HYAL3: variants seen among roughly 807,000 people sequenced by gnomAD.
The protein encoded by HYAL3 is hyaluronidase-3.
HYAL3 carries 25 observed loss-of-function variants against 29.6 expected under a neutral mutation model. That is an observed-to-expected ratio of 0.85 (90% CI 0.62 to 1.18). HYAL3 has a LOEUF of 1.18. HYAL3 is among the 50% of genes most tolerant of loss of function. HYAL3 has a pLI of 0.00. For synonymous variants in HYAL3, 215 were observed against 218.3 expected (o/e 0.99, Z 0.13); for missense variants, 442 against 548.4 (o/e 0.81, Z 1.94).
At position 50,297,645 on chromosome 3, in the gene HYAL3, A is replaced by G. The variant is rs72932956; in HGVS notation, c.-18+1568T>C. On this transcript the variant is annotated intron_variant, in intron 1 of 3. Coordinates refer to ENST00000336307, the MANE Select transcript of HYAL3 (RefSeq NM_003549.4). This position sits in a 1 kb window ranked among gnomAD's most constrained non-coding sequence, Gnocchi z 4.3. Reference sequence around the variant, plus strand: ...AAGACCCCAGTCTCCAGGCAGTAGCATCTCTTCAGACCACAGTGGCTCTCC... The same window carrying G: ...AAGACCCCAGTCTCCAGGCAGTAGCGTCTCTTCAGACCACAGTGGCTCTCC... The G allele has an allele frequency of 6.7e-3, 9,608 of 1,441,040 alleles. 580 individuals carry two copies. The African/African-American group carries it at 0.12, about 19-fold the overall frequency. 89.3% of individuals were successfully genotyped at this position (1,441,040 alleles called of 1,614,324 possible). A position where few individuals can be genotyped will look rare whatever the true frequency, so the allele number is the denominator to read the frequency against.
rs1553711370 is a variant in HYAL3, at chr3:50,297,077, C to T, written c.-17-1458G>A. On this transcript the variant is annotated intron_variant, in intron 1 of 3. Coordinates refer to ENST00000336307, the MANE Select transcript of HYAL3 (RefSeq NM_003549.4). The surrounding 1 kb of genome is among the most constrained non-coding windows in gnomAD (Gnocchi z 4.3). ...CTAAGAGGCTCTGGGGCTGGTTCAG[C>T]ACCCGTGACAGGCGGGCATGGCCCA... 1.3e-6 allele frequency: 2 copies of T among 1,538,216 alleles called. No homozygotes were observed. Among genetic ancestry groups the T allele is most frequent in the Non-Finnish European group, 1.7e-6 (2 of 1,142,884 alleles).
In HYAL3 at chr3:50,294,831, C is replaced by T. The variant is rs147909273; in HGVS notation, c.772G>A (p.Ala258Thr). The change falls in exon 2 of 4, where the codon GCC (alanine) becomes ACC (threonine). Residue 258 changes from alanine to threonine, a missense_variant. By Grantham distance (58) the Ala-to-Thr change is moderately conservative (BLOSUM62 0). Coordinates refer to ENST00000336307, the MANE Select transcript of HYAL3 (RefSeq NM_003549.4). ...PPRLPPAHHQ[A>T]FVRHRLEEAF... The stretch of plus-strand genomic sequence containing the variant: ...TCCTCCAGGCGATGTCGGACAAAGG[C>T]CTGGTGGTGGGCAGGTGGCAGCCTG... 216 of 1,534,288 alleles carry T rather than the reference C, an allele frequency of 1.4e-4. 2 individuals carry two copies. In the African/African-American group the frequency reaches 2.8e-3, roughly 20 times the overall value.
intron 1 of HYAL3, chr3:50,298,030 C>T (rs1381767177): frequency 7.1e-6 from 7 of 985,770 alleles, no homozygotes; most frequent in Non-Finnish European, 8.4e-6. Context: ...ATAAAACAGC[C>T]GACCCAATCT....
At position 50,297,757 on chromosome 3, in the gene HYAL3, A is replaced by G. The variant is rs587664287; in HGVS notation, c.-18+1456T>C. The G allele has an allele frequency of 3.7e-4, 480 of 1,284,528 alleles. No homozygotes were observed. The highest frequency in any genetic ancestry group is 4.0e-4 in the Non-Finnish European group (409 of 1,017,740). The allele number at this position is 1,284,528 out of a possible 1,614,324, so 79.6% of individuals were successfully genotyped here. The stretch of plus-strand genomic sequence containing the variant: ...GGGCTGACAGAGTGCAGGGGGGACC[A>G]TGCATACTGGAACTGGGGAGTGGTG... On this transcript the variant is annotated intron_variant, in intron 1 of 3. Transcript: ENST00000336307. This position sits in a 1 kb window ranked among gnomAD's most constrained non-coding sequence, Gnocchi z 4.3.
intron 1 of HYAL3, chr3:50,296,435 G>C: frequency 1.4e-6 from 1 of 716,946 alleles, no homozygotes. Context: ...CCACACTGAC[G>C]GCTCTGAGCC....
At position 50,297,859 on chromosome 3, in the gene HYAL3, T is replaced by G; in HGVS notation, c.-18+1354A>C. 1 of 1,038,636 alleles carries G rather than the reference T, an allele frequency of 9.6e-7. No individual in the cohort carries two copies. The highest frequency in any genetic ancestry group is 1.2e-6 in the Non-Finnish European group (1 of 865,214). 64.3% of individuals were successfully genotyped at this position (1,038,636 alleles called of 1,614,324 possible). A position where few individuals can be genotyped will look rare whatever the true frequency, so the allele number is the denominator to read the frequency against. The stretch of plus-strand genomic sequence containing the variant: ...CCCATCCCCTATAGAGCAGGGCAGA[T>G]AGATCCAGGTGTCTACCCCACATTG... On this transcript the variant is annotated intron_variant, in intron 1 of 3. Transcript: ENST00000336307. This position sits in a 1 kb window ranked among gnomAD's most constrained non-coding sequence, Gnocchi z 4.3.
At chr3:50,296,972 A>G in intron 1 of HYAL3, 1 of 1,590,748 alleles carries the variant, frequency 6.3e-7, no homozygotes, top group Non-Finnish European at 8.5e-7. Context: ...CCCGGGCCCG[A>G]GCAAAGACCT....
chr3:50,294,995 G>T lies in HYAL3; in HGVS notation c.608C>A (p.Pro203Gln). Residue 203 changes from proline (P) to glutamine (Q), a missense_variant, in exon 2 of 4, where the codon CCA becomes CAA. Physicochemically the swap from Pro to Gln is moderately conservative, Grantham distance 76 (BLOSUM62 -1). Transcript: ENST00000336307. ...PHGLWGFYHY[P>Q]ACGNGWHSMA... Reference sequence around the variant, plus strand: ...ACTATGCCAGCCATTGCCACAGGCTGGGTAGTGATAGAAGCCCCAGAGTCC... The same window carrying T: ...ACTATGCCAGCCATTGCCACAGGCTTGGTAGTGATAGAAGCCCCAGAGTCC... The T allele has an allele frequency of 6.2e-7, 1 of 1,613,460 alleles. No homozygotes were observed. Among genetic ancestry groups the T allele is most frequent in the African/African-American group, 1.3e-5 (1 of 75,070 alleles).
rs144135223 is a variant in HYAL3, at chr3:50,296,322, A to G, written c.-17-703T>C. 2.3e-3 allele frequency: 1,047 copies of G among 449,224 alleles called. 11 individuals carry two copies. The highest frequency in any genetic ancestry group is 0.019 in the African/African-American group (950 of 49,078). The allele number at this position is 449,224 out of a possible 1,614,324, so 27.8% of individuals were successfully genotyped here. The stretch of plus-strand genomic sequence containing the variant: ...GGCCTCAGGGCCAAGGTGGATCTGG[A>G]GACTTCTGCAGGGATAAGGGACCTG... On this transcript the variant is annotated intron_variant, in intron 1 of 3. Coordinates refer to ENST00000336307, the MANE Select transcript of HYAL3 (RefSeq NM_003549.4).
chr3:50,296,171 C>T (rs781821481), intron 1 of HYAL3, among the ~76,000 whole-genome samples: 1 of 152,192 alleles, frequency 6.6e-6, no homozygotes, highest in East Asian at 1.9e-4. Flanking sequence ...GCCTATGTCC[C>T]GTCCAGGGCT....
Position 50,297,450 on chromosome 3 carries a change from A to G in HYAL3, c.-18+1763T>C. 4 of 1,607,582 alleles carry G rather than the reference A, an allele frequency of 2.5e-6. No homozygotes were observed. The highest frequency in any genetic ancestry group is 2.2e-5 in the East Asian group (1 of 44,852). On this transcript the variant is annotated intron_variant, in intron 1 of 3. Coordinates refer to ENST00000336307, the MANE Select transcript of HYAL3 (RefSeq NM_003549.4). This position sits in a 1 kb window ranked among gnomAD's most constrained non-coding sequence, Gnocchi z 4.3. ...AGTCAGCTCAGCTGGGCTGGTACTC[A>G]GGATCAGCTCCATCCGGTGTGTAGG...
intron 1 of HYAL3, chr3:50,296,705 G>C: frequency 6.2e-7 from 1 of 1,613,740 alleles, no homozygotes; most frequent in East Asian, 2.2e-5. Flanking sequence ...CTGGGGGTGA[G>C]ATGGTCAGGC....
chr3:50,294,717 G>A lies in HYAL3; in HGVS notation c.886C>T (p.Leu296=), dbSNP rs587773669. ...RLTHRRSGRF[L]SQDDLVQSIG... is the part of the protein sequence containing the mutation. Reference sequence around the variant, plus strand: ...CCTCAGCTTCCACTTACCTGGGACAGGAACCTCCCAGATCTCCGGTGTGTG... The same window carrying A: ...CCTCAGCTTCCACTTACCTGGGACAAGAACCTCCCAGATCTCCGGTGTGTG... The change falls in exon 2 of 4, where the codon CTG becomes TTG. Residue 296 remains leucine, a synonymous_variant. Coordinates refer to ENST00000336307, the MANE Select transcript of HYAL3 (RefSeq NM_003549.4). 5.3e-6 allele frequency: 8 copies of A among 1,503,106 alleles called. No individual in the cohort carries two copies. The highest frequency in any genetic ancestry group is 4.6e-5 in the East Asian group (2 of 43,728). 93.1% of individuals were successfully genotyped at this position (1,503,106 alleles called of 1,614,324 possible). A position where few individuals can be genotyped will look rare whatever the true frequency, so the allele number is the denominator to read the frequency against.
At chr3:50,296,636 C>A (rs201689655) in intron 1 of HYAL3, 199 of 1,613,940 alleles carry the variant, frequency 1.2e-4, no homozygotes, top group Non-Finnish European at 1.1e-4. Context: ...ATATGGGGCG[C>A]CCCCTCACAT....
chr3:50,295,368 C>A lies in HYAL3; in HGVS notation c.235G>T (p.Gly79Cys). 2 of 1,614,166 alleles carry A rather than the reference C, an allele frequency of 1.2e-6. No homozygotes were observed. Among genetic ancestry groups the A allele is most frequent in the Non-Finnish European group, 1.7e-6 (2 of 1,180,034 alleles). ...CTGGGTCCAAAGTAGGGATAGAGGC[C>A]GAGTTGGTTCTTGTAGAAAATGGTC... ...NMTIFYKNQL[G>C]LYPYFGPRGT... The change falls in exon 2 of 4, where the codon GGC becomes TGC. Residue 79 changes from glycine to cysteine, a missense_variant. Physicochemically the swap from Gly to Cys is radical, Grantham distance 159. Transcript: ENST00000336307.
chr3:50,296,748 G>A (rs1701861125), intron 1 of HYAL3: 3 of 1,609,082 alleles, frequency 1.9e-6, no homozygotes, highest in Non-Finnish European at 2.5e-6. Context: ...TGGCAATGGA[G>A]GTCCCTTGGG....
rs782228333 is a variant in HYAL3, at chr3:50,292,845, T to C, written c.*401A>G. On this transcript the variant is annotated 3_prime_UTR_variant, in exon 4 of 4. Transcript: ENST00000336307. ...CCAAACCTCAGGCAGTGGAAAAAAG[T>C]GACTTTATGATGAAAGAGTGCAGAC... is the stretch of plus-strand genomic sequence containing the variant. 6.7e-7 allele frequency: 1 copy of C among 1,494,884 alleles called. No individual in the cohort carries two copies. Among genetic ancestry groups the C allele is most frequent in the South Asian group, 1.1e-5 (1 of 89,350 alleles). 92.6% of individuals were successfully genotyped at this position (1,494,884 alleles called of 1,614,324 possible). A position where few individuals can be genotyped will look rare whatever the true frequency, so the allele number is the denominator to read the frequency against.
rs782695970 is a variant in HYAL3 at position 50,294,880 on chromosome 3, G to A, written c.723C>T (p.Leu241=). 5.5e-5 allele frequency: 85 copies of A among 1,557,056 alleles called. No homozygotes were observed. The highest frequency in any genetic ancestry group is 7.1e-5 in the Non-Finnish European group (81 of 1,145,658). ...TGGGTGGGAGGTAGATGCTGGGGAA[G>A]AGGGCACTGGAGGCGGCCCAGAGCC... The part of the protein sequence containing the change: ...LHWLWAASSA[L]FPSIYLPPRL... Residue 241 remains leucine, a synonymous_variant, in exon 2 of 4, where the codon CTC becomes CTT. Transcript: ENST00000336307.
At position 50,297,733 on chromosome 3, in the gene HYAL3, G is replaced by C; in HGVS notation, c.-18+1480C>G. 7.4e-7 allele frequency: 1 copy of C among 1,357,540 alleles called. No homozygotes were observed. Among genetic ancestry groups the C allele is most frequent in the East Asian group, 2.9e-5 (1 of 34,842 alleles). The allele number at this position is 1,357,540 out of a possible 1,614,324, so 84.1% of individuals were successfully genotyped here. A position where few individuals can be genotyped will look rare whatever the true frequency, so the allele number is the denominator to read the frequency against. On this transcript the variant is annotated intron_variant, in intron 1 of 3. Coordinates refer to ENST00000336307, the MANE Select transcript of HYAL3 (RefSeq NM_003549.4). This position sits in a 1 kb window ranked among gnomAD's most constrained non-coding sequence, Gnocchi z 4.3. The stretch of plus-strand genomic sequence containing the variant: ...GGAGGGTGGGGTTGGAGCAGGGAAG[G>C]GCTGACAGAGTGCAGGGGGGACCAT...
Sources: gnomAD v4.1 joint callset for allele counts (sites outside exome capture counted in the v4.1 genomes callset) on GRCh38, gnomAD v4.1.1 for gene constraint, Gnocchi (gnomAD v3.1) non-coding constraint, MANE v1.5 for transcripts, NCBI Gene and HGNC (gene_info 2026-07-23, HGNC 2026-07-21) for gene names.